Variants in GPHN observed in about 807,000 individuals in gnomAD.
The protein encoded by GPHN is gephyrin.
Under a neutral mutation model 95.5 loss-of-function variants are expected in GPHN, and 17 were observed. The observed-to-expected ratio is 0.18, with a 90% CI of 0.12 to 0.27. GPHN has a LOEUF of 0.27. Among genes scored for constraint, GPHN ranks in the 10% least tolerant of loss-of-function variants. GPHN has a pLI of 1.00. For missense variants in GPHN, 660 were observed against 978.1 expected (o/e 0.67, Z 4.34); for synonymous variants, 320 against 322.5 (o/e 0.99, Z 0.08).
intron 10 of GPHN, among the ~76,000 whole-genome samples, chr14:67,047,334 TTGTGTG>T (rs778266656): frequency 9.1e-6 from 1 of 109,702 alleles, no homozygotes; most frequent in Non-Finnish European, 1.7e-5. Flanking sequence ...GTGTGTGTGT[TTGTGTG>T]TGTGTGTGTG....
At chr14:66,718,889 G>A (rs56292859) in intron 2 of GPHN, among the ~76,000 whole-genome samples, 8,926 of 152,248 alleles carry the variant, frequency 0.059, 359 homozygotes, top group Middle Eastern at 0.099. Context: ...TGCAGCTGCT[G>A]TGGGGGATGG....
chr14:66,552,933 A>G (rs2059869949), intron 1 of GPHN, among the ~76,000 whole-genome samples: 1 of 144,322 alleles, frequency 6.9e-6, no homozygotes, highest in Non-Finnish European at 1.5e-5. Flanking sequence ...GGTTCTCTTT[A>G]TATTTATCCT....
At chr14:66,870,352 C>G (rs2063384252) in intron 4 of GPHN, among the ~76,000 whole-genome samples, 1 of 152,154 alleles carries the variant, frequency 6.6e-6, no homozygotes, top group African/African-American at 2.4e-5. Flanking sequence ...AGGTTTGTGT[C>G]TCTATGCCCA....
At chr14:66,615,770 T>C (rs1382354153) in intron 1 of GPHN, among the ~76,000 whole-genome samples, 3 of 152,074 alleles carry the variant, frequency 2.0e-5, no homozygotes, top group Non-Finnish European at 2.9e-5. Flanking sequence ...CTTTTGGCAT[T>C]TTCATCATGA....
the GPHN span, chr14:67,388,343 A>T: frequency 4.7e-6 from 6 of 1,265,634 alleles, no homozygotes; most frequent in Non-Finnish European, 7.0e-6. Context: ...TTGTGAATGA[A>T]CAAAAGGGAA....
At chr14:66,990,904 G>C (rs1313132613) in intron 9 of GPHN, among the ~76,000 whole-genome samples, 1 of 151,698 alleles carries the variant, frequency 6.6e-6, no homozygotes, top group Non-Finnish European at 1.5e-5. Context: ...TAGAAGGTTT[G>C]ACATCATTCA....
intron 1 of GPHN, among the ~76,000 whole-genome samples, chr14:66,514,213 T>C (rs905200439): frequency 3.3e-5 from 5 of 152,026 alleles, no homozygotes; most frequent in African/African-American, 1.2e-4. Flanking sequence ...GCACAAAGTA[T>C]AGAATTCATA....
intron 3 of GPHN, among the ~76,000 whole-genome samples, chr14:66,793,940 C>G (rs2060066662): frequency 6.6e-6 from 1 of 151,986 alleles, no homozygotes; most frequent in South Asian, 2.1e-4. Flanking sequence ...TCATTAATAT[C>G]ATTAAATGTG....
At chr14:66,605,061 A>G (rs1311873346) in intron 1 of GPHN, among the ~76,000 whole-genome samples, 8 of 152,002 alleles carry the variant, frequency 5.3e-5, no homozygotes, top group African/African-American at 1.9e-4. Context: ...GTAGTATTCC[A>G]TGGTGTATAT....
chr14:67,178,243 G>A (rs188314837), intron 21 of GPHN, among the ~76,000 whole-genome samples: 10 of 152,308 alleles, frequency 6.6e-5, no homozygotes, highest in African/African-American at 2.4e-4. Flanking sequence ...AGGAGTTCTT[G>A]TAAGGCAGGC....
the GPHN span, among the ~76,000 whole-genome samples, chr14:67,268,360 C>CCCCCCAGAT: frequency 1.1e-4 from 16 of 152,168 alleles, no homozygotes; most frequent in Non-Finnish European, 2.4e-4. Context: ...CGATCCAGAT[C>CCCCCCAGAT]CCAGAGAGGG....
At chr14:67,247,219 A>G in the GPHN span, among the ~76,000 whole-genome samples, 3 of 152,202 alleles carry the variant, frequency 2.0e-5, no homozygotes, top group Non-Finnish European at 2.9e-5. Context: ...GTAGTTTTCA[A>G]TATGCAGATC....
chr14:66,614,988 A>T (rs1372636234), intron 1 of GPHN, among the ~76,000 whole-genome samples: 3 of 152,166 alleles, frequency 2.0e-5, no homozygotes, highest in Non-Finnish European at 4.4e-5. Flanking sequence ...TTCCTGTGTT[A>T]GTTTGCTGAT....
intron 2 of GPHN, among the ~76,000 whole-genome samples, chr14:66,731,825 G>T (rs897382676): frequency 6.6e-6 from 1 of 152,186 alleles, no homozygotes; most frequent in African/African-American, 2.4e-5. Context: ...GGTTTCGTGG[G>T]CTGGGCCCTG....
chr14:67,440,200 C>A, the GPHN span, among the ~76,000 whole-genome samples: 1 of 152,106 alleles, frequency 6.6e-6, no homozygotes. Flanking sequence ...TCTGCACATA[C>A]CCAAAGAACT....
intron 1 of GPHN, among the ~76,000 whole-genome samples, chr14:66,588,716 A>C (rs2061520277): frequency 6.6e-6 from 1 of 152,184 alleles, no homozygotes; most frequent in Admixed American, 6.5e-5. Context: ...CAAGCCTCCA[A>C]GAAATATGGG....
At chr14:66,580,017 A>G (rs946712944) in intron 1 of GPHN, among the ~76,000 whole-genome samples, 1 of 151,874 alleles carries the variant, frequency 6.6e-6, no homozygotes, top group Non-Finnish European at 1.5e-5. Context: ...AGTGATATCA[A>G]GTATCTTTTT....
At chr14:67,193,613 A>T in the GPHN span, among the ~76,000 whole-genome samples, 1 of 146,284 alleles carries the variant, frequency 6.8e-6, no homozygotes, top group South Asian at 2.1e-4. Context: ...AGATATATAG[A>T]TAGAAATATA....
intron 2 of GPHN, among the ~76,000 whole-genome samples, chr14:66,738,229 A>G (rs1351973462): frequency 6.6e-6 from 1 of 152,234 alleles, no homozygotes; most frequent in African/African-American, 2.4e-5. Context: ...TTCAAGTTAA[A>G]AATTAAAACA....
Sources: allele counts gnomAD v4.1 joint callset (sites outside exome capture counted in the v4.1 genomes callset), GRCh38; gene constraint gnomAD v4.1.1; transcripts MANE v1.5; gene names NCBI Gene and HGNC (gene_info 2026-07-23, HGNC 2026-07-21).